Variants in DLL1 observed in about 807,000 individuals in gnomAD.
DLL1 encodes delta-like protein 1.
Under a neutral mutation model 75.1 loss-of-function variants are expected in DLL1, and 9 were observed. That is an observed-to-expected ratio of 0.12 (90% confidence interval 0.07 to 0.21). The LOEUF (loss-of-function observed/expected upper bound fraction) is 0.21, where lower values mean the gene tolerates loss of function less well. Ranked by LOEUF, DLL1 falls within the 10% of genes least tolerant of loss-of-function variation. DLL1 has a pLI of 1.00. For missense variants in DLL1, 837 were observed against 1,007.6 expected, an observed-to-expected ratio of 0.83 and a Z score of 2.29; for synonymous variants, 477 against 418.3, an observed-to-expected ratio of 1.14 and a Z score of -1.71.
chr6:170,288,685 A>G, intron 3 of DLL1, 44 bp downstream of exon 3: 3 of 1,612,974 alleles, frequency 1.9e-6, no homozygotes, highest in Non-Finnish European at 2.5e-6. Flanking sequence ...GTCCAATGCT[A>G]TTAACTGGGG....
chr6:170,286,275 C>T lies in DLL1; in HGVS notation c.694G>A (p.Glu232Lys), dbSNP rs765255063. 4 of 1,614,096 alleles carry T rather than the reference C, an allele frequency of 2.5e-6. No homozygotes were observed. The change falls in exon 5 of 11, where the codon GAG becomes AAG. Residue 232 changes from glutamate to lysine, a missense_variant. Physicochemically the swap from Glu to Lys is moderately conservative, Grantham distance 56. Around this residue, in one of 2 missense-constraint regions of DLL1, gnomAD observed 304 missense variants for 461.9 expected, o/e 0.66. Transcript: ENST00000366756. ...GGTTTGTCACAAAATCCATGCTGCT[C>T]ATCACATCCAGGCAGGCAGATCGCT... ...TEPICLPGCD[E>K]QHGFCDKPGE...
intron 2 of DLL1, chr6:170,289,148 C>T: frequency 1.7e-6 from 1 of 589,732 alleles, no homozygotes; most frequent in South Asian, 1.8e-5. Context: ...GTAGCGGTCG[C>T]GCTGCGCGGG....
intron 2 of DLL1, 69 bp from the exon 3 acceptor site, chr6:170,288,858 C>A: frequency 6.4e-7 from 1 of 1,563,612 alleles, no homozygotes; most frequent in South Asian, 1.1e-5. Flanking sequence ...AAAAAGCAGT[C>A]ATTCCTAACA....
intron 3 of DLL1, 47 bp from the exon 4 acceptor site, chr6:170,288,543 G>A: frequency 6.2e-7 from 1 of 1,614,076 alleles, no homozygotes; most frequent in Non-Finnish European, 8.5e-7. Context: ...AGAACCCTGT[G>A]ACTCGGGACA....
rs368576000 is a variant in DLL1 at position 170,289,773 on chromosome 6, C to G, written c.90G>C (p.Gln30His). Residue 30 changes from glutamine (Q) to histidine (H), a missense_variant, in exon 2 of 11, where the codon CAG becomes CAC. Physicochemically the swap from Gln to His is conservative, Grantham distance 24. Coordinates refer to ENST00000366756, the MANE Select transcript of DLL1 (RefSeq NM_005618.4). ...GCAGCCCCTTCTTGTTGACGAACTC[C>G]TGCAGCTTCAGTTCGAACACCCCAG... Reference protein sequence around the residue: ...WSSGVFELKLQEFVNKKGLLG... With the variant: ...WSSGVFELKLHEFVNKKGLLG... 3.2e-5 allele frequency: 50 copies of G among 1,556,836 alleles called. No individual in the cohort carries two copies. Among genetic ancestry groups the G allele is most frequent in the African/African-American group, 3.1e-4 (23 of 73,688 alleles).
At chr6:170,289,935 G>A in intron 1 of DLL1, 127 bp from the exon 2 acceptor site, 1 of 1,318,730 alleles carries the variant, frequency 7.6e-7, no homozygotes, top group African/African-American at 1.6e-5. Context: ...CTGCACGGCC[G>A]GCGCTGGGGT....
At chr6:170,288,676 T>C (rs1783762601) in intron 3 of DLL1, 53 bp downstream of exon 3, 1 of 1,612,196 alleles carries the variant, frequency 6.2e-7, no homozygotes, top group Admixed American at 1.7e-5. Flanking sequence ...GTGGGCAAAG[T>C]CCAATGCTAT....
chr6:170,289,840 C>T lies in DLL1; in HGVS notation c.55-32G>A, dbSNP rs1285013165. On this transcript the variant is annotated intron_variant, in intron 1 of 10. Coordinates refer to ENST00000366756, the MANE Select transcript of DLL1 (RefSeq NM_005618.4). ...GGGGGAGGGCGGGGGCGTGAGGACG[C>T]GGGTCCCGCCCGAGCTAGGGGGCGT... The T allele has an allele frequency of 5.2e-6, 8 of 1,545,134 alleles. No individual in the cohort carries two copies. The Admixed American group carries it at 5.9e-5, about 11-fold the overall frequency.
rs377439593 is a variant in DLL1 at position 170,282,803 on chromosome 6, C to T, written c.*71G>A. ...GGCCTCCCTCCTCTTCAGCAGCATT[C>T]GTTGGGGCATATATCCTTGGAATTT... On this transcript the variant is annotated 3_prime_UTR_variant, in exon 11 of 11. Transcript: ENST00000366756. 9.3e-6 allele frequency: 15 copies of T among 1,610,996 alleles called. No individual in the cohort carries two copies. In the African/African-American group the frequency reaches 9.3e-5, roughly 10 times the overall value.
At chr6:170,284,070 G>A (rs1355247576) in intron 8 of DLL1, 41 bp from the exon 9 acceptor site, 1 of 1,536,984 alleles carries the variant, frequency 6.5e-7, no homozygotes, top group Admixed American at 2.0e-5. Flanking sequence ...CTCCTCGTAG[G>A]TTTGTTCACC....
rs199524961 is a variant in DLL1, at chr6:170,288,267, A to G, written c.642T>C (p.Pro214=). The change falls in exon 4 of 11, where the codon CCT becomes CCC. Residue 214 remains proline (P), a synonymous_variant. Coordinates refer to ENST00000366756, the MANE Select transcript of DLL1 (RefSeq NM_005618.4). ...CTGTGCAGTAGGGCCCTTTCCAGCC[A>G]GGGTTGCACACTTTCTCCCCACGCT... ...CGERGEKVCN[P]GWKGPYCTEP... is the part of the protein sequence containing the mutation. 1.2e-6 allele frequency: 2 copies of G among 1,613,844 alleles called. No individual in the cohort carries two copies. The highest frequency in any genetic ancestry group is 8.5e-7 in the Non-Finnish European group (1 of 1,180,050).
chr6:170,282,804 G>A lies in DLL1; in HGVS notation c.*70C>T, dbSNP rs111322686. On this transcript the variant is annotated 3_prime_UTR_variant, in exon 11 of 11. Coordinates refer to ENST00000366756, the MANE Select transcript of DLL1 (RefSeq NM_005618.4). ...GCCTCCCTCCTCTTCAGCAGCATTC[G>A]TTGGGGCATATATCCTTGGAATTTT... 17 of 1,611,152 alleles carry A rather than the reference G, an allele frequency of 1.1e-5. No individual in the cohort carries two copies. Among genetic ancestry groups the A allele is most frequent in the South Asian group, 9.9e-5 (9 of 90,992 alleles).
chr6:170,283,033 C>T lies in DLL1; in HGVS notation c.2121G>A (p.Val707=). ...CATCCTTCTCCTCGGATATGACGTA[C>T]ACCGACTGGTACTTGGTGTCTTTTG... The part of the protein sequence containing the change: ...STSKDTKYQS[V]YVISEEKDEC... Residue 707 remains valine (V), a synonymous_variant, in exon 10 of 11, where the codon GTG becomes GTA. Coordinates refer to ENST00000366756, the MANE Select transcript of DLL1 (RefSeq NM_005618.4). 4.3e-6 allele frequency: 7 copies of T among 1,614,172 alleles called. No individual in the cohort carries two copies. Among genetic ancestry groups the T allele is most frequent in the Non-Finnish European group, 5.9e-6 (7 of 1,180,050 alleles).
Position 170,284,790 on chromosome 6 carries a change from G to T in DLL1, c.1249+129C>A, listed in dbSNP as rs144803661. ...CAGACTCAAAGATAGAGTTTCCATC[G>T]AGAATTCCTGGCGGTCTGGATAAAA... On this transcript the variant is annotated intron_variant, in intron 8 of 10. Coordinates refer to ENST00000366756, the MANE Select transcript of DLL1 (RefSeq NM_005618.4). The T allele has an allele frequency of 3.4e-5, 33 of 970,882 alleles. No individual in the cohort carries two copies. In the African/African-American group the frequency reaches 5.2e-4, roughly 15 times the overall value. The allele number at this position is 970,882 out of a possible 1,614,324, so 60.1% of individuals were successfully genotyped here. A position where few individuals can be genotyped will look rare whatever the true frequency, so the allele number is the denominator to read the frequency against.
At chr6:170,287,382 AC>A (rs1053717646) in intron 4 of DLL1, among the ~76,000 whole-genome samples, 2 of 152,174 alleles carry the variant, frequency 1.3e-5, no homozygotes, top group African/African-American at 2.4e-5. Flanking sequence ...TCCAGGACCT[AC>A]CCAATCCCCA....
chr6:170,285,166 C>G (rs369930630), intron 7 of DLL1, 31 bp from the exon 8 acceptor site: 31 of 1,613,648 alleles, frequency 1.9e-5, no homozygotes, highest in Non-Finnish European at 2.5e-5. Flanking sequence ...AAAAGGCTTT[C>G]CAAAGTTGCT....
intron 4 of DLL1, among the ~76,000 whole-genome samples, chr6:170,287,940 G>A: frequency 6.6e-6 from 1 of 152,086 alleles, no homozygotes; most frequent in Non-Finnish European, 1.5e-5. Flanking sequence ...ACACACCCTG[G>A]GGGTAGCACT....
rs373091866 is a variant in DLL1, at chr6:170,288,839, G to T, written c.352-50C>A. The T allele has an allele frequency of 3.0e-5, 48 of 1,606,696 alleles. 1 individual carries two copies. The African/African-American group carries it at 6.0e-4, about 20-fold the overall frequency. On this transcript the variant is annotated intron_variant, in intron 2 of 10. Transcript: ENST00000366756. ...AGACAACCCAGAAAGGTAACGAAAA[G>T]AAAACGGCAAAAAGCAGTCATTCCT...
Position 170,285,686 on chromosome 6 carries a change from A to G in DLL1, c.745T>C (p.Trp249Arg). The stretch of plus-strand genomic sequence containing the variant: ...CACTCGTCACAGTACCGGCCCTGCC[A>G]GCCCACTCTGCACCTTGGAGAAAAG... ...KPGECKCRVG[W>R]QGRYCDECIR... is the part of the protein sequence containing the mutation. The change falls in exon 6 of 11, where the codon TGG (tryptophan) becomes CGG (arginine). Residue 249 changes from tryptophan (W) to arginine (R), a missense_variant. Physicochemically the swap from Trp to Arg is moderately radical, Grantham distance 101. Around this residue, in one of 2 missense-constraint regions of DLL1, gnomAD observed 304 missense variants for 461.9 expected, o/e 0.66. Coordinates refer to ENST00000366756, the MANE Select transcript of DLL1 (RefSeq NM_005618.4). 6.2e-7 allele frequency: 1 copy of G among 1,614,094 alleles called. No individual in the cohort carries two copies. The highest frequency in any genetic ancestry group is 1.1e-5 in the South Asian group (1 of 91,076).
Sources: allele counts gnomAD v4.1 joint callset (sites outside exome capture counted in the v4.1 genomes callset), GRCh38; gene constraint gnomAD v4.1.1; regional missense constraint gnomAD v4.1.1; transcripts MANE v1.5; gene names NCBI Gene and HGNC (gene_info 2026-07-23, HGNC 2026-07-21).